The following ATP5MC3 variants were observed in gnomAD, a reference collection of about 807,000 sequenced individuals.
The protein encoded by ATP5MC3 is ATP synthase membrane subunit c locus 3.
ATP5MC3 carries 6 observed loss-of-function variants against 15.6 expected under a neutral mutation model. That is an observed-to-expected ratio of 0.38 (90% CI 0.21 to 0.76). The LOEUF (loss-of-function observed/expected upper bound fraction) is 0.76, where lower values mean the gene tolerates loss of function less well. Among genes scored for constraint, ATP5MC3 ranks in the 30% least tolerant of loss-of-function variants. ATP5MC3 has a pLI of 0.44. For synonymous variants in ATP5MC3, 66 were observed against 63.3 expected (o/e 1.04, Z -0.20); for missense variants, 132 against 171.2 (o/e 0.77, Z 1.28).
Position 175,181,637 on chromosome 2 carries a change from C to T in ATP5MC3, c.-74+19G>A. Reference sequence around the variant, plus strand: ...CGCTCCGCCCTGGCCAGGCCGGGCTCCCTGTGCCCTCCACTTACCTTCCCA... The same window carrying T: ...CGCTCCGCCCTGGCCAGGCCGGGCTTCCTGTGCCCTCCACTTACCTTCCCA... On this transcript the variant is annotated intron_variant, in intron 1 of 4. Transcript: ENST00000284727. 1.9e-6 allele frequency: 1 copy of T among 520,862 alleles called. No homozygotes were observed. 32.3% of individuals were successfully genotyped at this position (520,862 alleles called of 1,614,324 possible). A position where few individuals can be genotyped will look rare whatever the true frequency, so the allele number is the denominator to read the frequency against.
In ATP5MC3 at chr2:175,176,680, A is replaced by T. The variant is rs1700687386; in HGVS notation, c.*1608T>A. 6.6e-6 allele frequency: 1 copy of T among 152,108 alleles called. No individual in the cohort carries two copies. Among genetic ancestry groups the T allele is most frequent in the South Asian group, 2.1e-4 (1 of 4,824 alleles). 9.4% of individuals were successfully genotyped at this position (152,108 alleles called of 1,614,324 possible). The stretch of plus-strand genomic sequence containing the variant: ...TTCACCCCCTCCCTAGTTCCTGATA[A>T]CTACTAATTGGCTTTGTCACCGTGG... On this transcript the variant is annotated 3_prime_UTR_variant, in exon 5 of 5. Coordinates refer to ENST00000284727, the MANE Select transcript of ATP5MC3 (RefSeq NM_001689.5).
In ATP5MC3 at chr2:175,181,653, T is replaced by TA; in HGVS notation, c.-74+2dup. 1 of 489,902 alleles carries TA rather than the reference T, an allele frequency of 2.0e-6. No homozygotes were observed. The highest frequency in any genetic ancestry group is 2.0e-5 in the African/African-American group (1 of 49,748). 30.3% of individuals were successfully genotyped at this position (489,902 alleles called of 1,614,324 possible). ...GGCCGGGCTCCCTGTGCCCTCCACT[T>TA]ACCTTCCCAGGAGGCGGCGGCGGCA... On this transcript the variant is annotated splice_region_variant and intron_variant, in intron 1 of 4. Transcript: ENST00000284727.
In ATP5MC3 at chr2:175,178,183, C is replaced by T. The variant is rs1226292303; in HGVS notation, c.*105G>A. 23 of 1,468,654 alleles carry T rather than the reference C, an allele frequency of 1.6e-5. No individual in the cohort carries two copies. Among genetic ancestry groups the T allele is most frequent in the Middle Eastern group, 1.9e-4 (1 of 5,176 alleles). The allele number at this position is 1,468,654 out of a possible 1,614,324, so 91.0% of individuals were successfully genotyped here. On this transcript the variant is annotated 3_prime_UTR_variant, in exon 5 of 5. Transcript: ENST00000284727. ...TTTAATGAAATGACTTTGGAAATAACGTACATTCCCATGACACCAATACTA... is the reference window on the plus strand; with the variant it reads ...TTTAATGAAATGACTTTGGAAATAATGTACATTCCCATGACACCAATACTA...
intron 2 of ATP5MC3, 121 bp downstream of exon 2, chr2:175,181,234 G>C: frequency 8.1e-7 from 1 of 1,232,696 alleles, no homozygotes; most frequent in Non-Finnish European, 1.1e-6. Flanking sequence ...AATAGGTAAG[G>C]AGAAAGCCGT....
At chr2:175,178,862 G>C (rs984097042) in intron 4 of ATP5MC3, 195 bp downstream of exon 4, 11 of 1,128,712 alleles carry the variant, frequency 9.7e-6, no homozygotes, top group Non-Finnish European at 1.2e-5. Context: ...TGTGTCTCTA[G>C]TCCTTCATAG....
At position 175,177,099 on chromosome 2, in the gene ATP5MC3, C is replaced by T. The variant is rs1380001712; in HGVS notation, c.*1189G>A. On this transcript the variant is annotated 3_prime_UTR_variant, in exon 5 of 5. Coordinates refer to ENST00000284727, the MANE Select transcript of ATP5MC3 (RefSeq NM_001689.5). Reference sequence around the variant, plus strand: ...GATATATATATAACTTAGTGACTCTCAAACAGTATGCACAAAAACCACCTG... The same window carrying T: ...GATATATATATAACTTAGTGACTCTTAAACAGTATGCACAAAAACCACCTG... 1 of 152,132 alleles carries T rather than the reference C, an allele frequency of 6.6e-6. No homozygotes were observed. Among genetic ancestry groups the T allele is most frequent in the Non-Finnish European group, 1.5e-5 (1 of 68,010 alleles). 9.4% of individuals were successfully genotyped at this position (152,132 alleles called of 1,614,324 possible).
intron 4 of ATP5MC3, 173 bp downstream of exon 4, chr2:175,178,884 A>G (rs1036046437): frequency 1.7e-5 from 21 of 1,213,710 alleles, no homozygotes; most frequent in African/African-American, 1.5e-4. Flanking sequence ...TGTTATTCTC[A>G]TAACACCCCA....
chr2:175,178,891 CCCAA>C, intron 4 of ATP5MC3, 162 bp downstream of exon 4: 2 of 1,230,976 alleles, frequency 1.6e-6, no homozygotes, highest in Non-Finnish European at 2.2e-6. Flanking sequence ...CTCATAACAC[CCCAA>C]ATGGTGTTAT....
chr2:175,177,479 C>T lies in ATP5MC3; in HGVS notation c.*809G>A, dbSNP rs1341893815. On this transcript the variant is annotated 3_prime_UTR_variant, in exon 5 of 5. Transcript: ENST00000284727. ...ACCAAGAAGCAACATAAAGTATTAGCAGCAAAATACTGTTGAACCAGCTAT... is the reference window on the plus strand; with the variant it reads ...ACCAAGAAGCAACATAAAGTATTAGTAGCAAAATACTGTTGAACCAGCTAT... 1.3e-5 allele frequency: 2 copies of T among 152,134 alleles called. No homozygotes were observed. Among genetic ancestry groups the T allele is most frequent in the Non-Finnish European group, 2.9e-5 (2 of 68,016 alleles). The allele number at this position is 152,134 out of a possible 1,614,324, so 9.4% of individuals were successfully genotyped here.
chr2:175,178,830 C>T lies in ATP5MC3; in HGVS notation c.314+227G>A, dbSNP rs527929781. The T allele has an allele frequency of 2.1e-3, 2,296 of 1,107,274 alleles. 4 individuals carry two copies. The highest frequency in any genetic ancestry group is 2.2e-3 in the Non-Finnish European group (1,905 of 854,470). The allele number at this position is 1,107,274 out of a possible 1,614,324, so 68.6% of individuals were successfully genotyped here. On this transcript the variant is annotated intron_variant, in intron 4 of 4. Transcript: ENST00000284727. ...ATTTTCTGACATTTACTAGCTATGA[C>T]CTGGGCAAGTAATGTGGCCTCTGTG... is the stretch of plus-strand genomic sequence containing the variant.
chr2:175,179,887 C>T, intron 3 of ATP5MC3: 2 of 503,808 alleles, frequency 4.0e-6, no homozygotes, highest in Non-Finnish European at 6.8e-6. Flanking sequence ...AATATAAATA[C>T]TTGGCCAAGT....
At chr2:175,178,950 G>A in intron 4 of ATP5MC3, 107 bp downstream of exon 4, 1 of 1,467,194 alleles carries the variant, frequency 6.8e-7, no homozygotes, top group South Asian at 1.4e-5. Flanking sequence ...TAAATATAAT[G>A]CAAGACACAG....
chr2:175,179,750 C>A, intron 3 of ATP5MC3: 1 of 215,588 alleles, frequency 4.6e-6, no homozygotes, highest in Admixed American at 5.9e-5. Context: ...AGCAATCCTC[C>A]CTCCTTGGCC....
rs2105413493 is a variant in ATP5MC3, at chr2:175,178,204, T to C, written c.*84A>G. 1 of 1,530,512 alleles carries C rather than the reference T, an allele frequency of 6.5e-7. No individual in the cohort carries two copies. The highest frequency in any genetic ancestry group is 8.7e-7 in the Non-Finnish European group (1 of 1,145,300). The allele number at this position is 1,530,512 out of a possible 1,614,324, so 94.8% of individuals were successfully genotyped here. ...ATAACGTACATTCCCATGACACCAA[T>C]ACTACAGTTTTCGGAGTCACAGTAA... On this transcript the variant is annotated 3_prime_UTR_variant, in exon 5 of 5. Transcript: ENST00000284727.
intron 3 of ATP5MC3, among the ~76,000 whole-genome samples, 185 bp from the exon 4 acceptor site, chr2:175,179,435 G>A (rs1439962960): frequency 6.6e-6 from 1 of 152,130 alleles, no homozygotes; most frequent in Non-Finnish European, 1.5e-5. Context: ...CATCTTAAAA[G>A]GGTGTTGAAA....
rs61204490 is a variant in ATP5MC3, at chr2:175,178,625, T to C, written c.315-223A>G. The C allele has an allele frequency of 2.0e-4, 252 of 1,273,666 alleles. No homozygotes were observed. The African/African-American group carries it at 3.6e-3, about 18-fold the overall frequency. 78.9% of individuals were successfully genotyped at this position (1,273,666 alleles called of 1,614,324 possible). A position where few individuals can be genotyped will look rare whatever the true frequency, so the allele number is the denominator to read the frequency against. On this transcript the variant is annotated intron_variant, in intron 4 of 4. Coordinates refer to ENST00000284727, the MANE Select transcript of ATP5MC3 (RefSeq NM_001689.5). ...TATAAATGGTTAGTTTTCATTCATT[T>C]TGATGGGTTCTGACATTCTTATCCA...
chr2:175,180,624 T>TA (rs1019877934), intron 2 of ATP5MC3, among the ~76,000 whole-genome samples: 7 of 151,848 alleles, frequency 4.6e-5, no homozygotes, highest in Admixed American at 1.3e-4. Context: ...CCATTAATCA[T>TA]AAAAAAAAAT....
chr2:175,181,568 G>T lies in ATP5MC3; in HGVS notation c.-74+88C>A. The T allele has an allele frequency of 4.2e-6, 3 of 715,952 alleles. No individual in the cohort carries two copies. The South Asian group carries it at 5.9e-5, about 14-fold the overall frequency. 44.3% of individuals were successfully genotyped at this position (715,952 alleles called of 1,614,324 possible). A position where few individuals can be genotyped will look rare whatever the true frequency, so the allele number is the denominator to read the frequency against. ...TGCACGCCGTCAGCTTGGGCCCCGT[G>T]CCCAGTGAGGCGCCGGCACAATGAA... On this transcript the variant is annotated intron_variant, in intron 1 of 4. Transcript: ENST00000284727.
intron 2 of ATP5MC3, among the ~76,000 whole-genome samples, chr2:175,180,597 A>G (rs533498125): frequency 7.9e-5 from 12 of 152,336 alleles, no homozygotes; most frequent in African/African-American, 2.9e-4. Context: ...GACCATTTCA[A>G]AGCTATTTCT....
Sources: allele counts gnomAD v4.1 joint callset (sites outside exome capture counted in the v4.1 genomes callset), GRCh38; gene constraint gnomAD v4.1.1; transcripts MANE v1.5; gene names NCBI Gene and HGNC (gene_info 2026-07-23, HGNC 2026-07-21).